DTNB: variants seen among roughly 807,000 people sequenced by gnomAD.
DTNB encodes dystrobrevin beta, also known as DTN-B.
Under a neutral mutation model 90.7 loss-of-function variants are expected in DTNB, and 63 were observed. The ratio of observed to expected loss-of-function variants is 0.69; its 90% CI spans 0.57 to 0.86. The LOEUF is 0.86. Among genes scored for constraint, DTNB ranks in the 40% least tolerant of loss-of-function variants. The pLI is 0.00. For missense variants in DTNB, 744 were observed against 807.1 expected (o/e 0.92, Z 0.95); for synonymous variants, 277 against 286.7 (o/e 0.97, Z 0.34).
At chr2:25,654,994 G>A (rs1282893419) in intron 1 of DTNB, among the ~76,000 whole-genome samples, 1 of 152,162 alleles carries the variant, frequency 6.6e-6, no homozygotes, top group Non-Finnish European at 1.5e-5. Context: ...TACTCAACAG[G>A]AGCCATAACA....
Position 25,596,206 on chromosome 2 carries a change from T to G in DTNB, c.483A>C (p.Leu161Phe). The change falls in exon 6 of 21, where the codon TTA becomes TTC. Residue 161 changes from leucine to phenylalanine, a missense_variant. Transcript: ENST00000406818. ...VFSQMSDSNG[L>F]MIFSKFDQFL... ...ACTGGTCAAACTTGCTAAATATCAT[T>G]AAGCCATTGGAATCTGACATCTGGG... 6.2e-7 allele frequency: 1 copy of G among 1,612,502 alleles called. No individual in the cohort carries two copies. Among genetic ancestry groups the G allele is most frequent in the African/African-American group, 1.3e-5 (1 of 74,932 alleles).
intron 5 of DTNB, among the ~76,000 whole-genome samples, chr2:25,600,586 C>T (rs529159649): frequency 5.1e-4 from 78 of 152,278 alleles, no homozygotes; most frequent in Admixed American, 2.0e-3. Flanking sequence ...AGTTTTCTAT[C>T]GCCACTCTGT....
At chr2:25,643,525 T>C (rs746218123) in intron 2 of DTNB, among the ~76,000 whole-genome samples, 10 of 152,206 alleles carry the variant, frequency 6.6e-5, no homozygotes, top group Non-Finnish European at 1.3e-4. Context: ...TACTTTCTCC[T>C]AAAAACATAC....
In DTNB at chr2:25,455,501, A is replaced by G. The variant is rs1324904456; in HGVS notation, c.1080-7T>C. On this transcript the variant is annotated splice_polypyrimidine_tract_variant and splice_region_variant and intron_variant, in intron 10 of 20. Transcript: ENST00000406818. ...ATCCTGGCTATACTGTAACCTAGGAACAATGGAGGCAAAGACAGCAAGCGT... is the reference window on the plus strand; with the variant it reads ...ATCCTGGCTATACTGTAACCTAGGAGCAATGGAGGCAAAGACAGCAAGCGT... The G allele has an allele frequency of 2.5e-6, 4 of 1,601,586 alleles. No individual in the cohort carries two copies. Among genetic ancestry groups the G allele is most frequent in the Non-Finnish European group, 3.4e-6 (4 of 1,174,050 alleles).
chr2:25,632,844 A>T (rs2076067420), intron 3 of DTNB, among the ~76,000 whole-genome samples: 1 of 152,232 alleles, frequency 6.6e-6, no homozygotes, highest in African/African-American at 2.4e-5. Context: ...AGGACTTGCC[A>T]CAAACATATT....
chr2:25,498,099 C>G (rs1335150910), intron 9 of DTNB, among the ~76,000 whole-genome samples: 6 of 152,132 alleles, frequency 3.9e-5, no homozygotes. Context: ...CACCACTTCT[C>G]CCCCTTCCTA....
chr2:25,514,979 A>C (rs1363319919), intron 9 of DTNB, among the ~76,000 whole-genome samples: 1 of 152,102 alleles, frequency 6.6e-6, no homozygotes, highest in Non-Finnish European at 1.5e-5. Context: ...CACCGCGCCC[A>C]GCTGAAAAAT....
intron 9 of DTNB, among the ~76,000 whole-genome samples, chr2:25,522,571 G>A (rs929247740): frequency 1.3e-5 from 2 of 151,998 alleles, no homozygotes; most frequent in African/African-American, 2.4e-5. Context: ...TTTATTTGAA[G>A]GAAAAGACTT....
At chr2:25,626,199 C>G (rs545024592) in intron 4 of DTNB, among the ~76,000 whole-genome samples, 1 of 152,158 alleles carries the variant, frequency 6.6e-6, no homozygotes, top group African/African-American at 2.4e-5. Flanking sequence ...CATTTTTAGA[C>G]AGTAAGATGG....
At chr2:25,635,383 C>T (rs10194293) in intron 3 of DTNB, among the ~76,000 whole-genome samples, 16 of 152,112 alleles carry the variant, frequency 1.1e-4, no homozygotes, top group African/African-American at 3.6e-4. Context: ...GCCAAGATTG[C>T]GCCACTGCAC....
intron 1 of DTNB, among the ~76,000 whole-genome samples, chr2:25,666,397 A>T (rs1187279090): frequency 6.6e-6 from 1 of 152,226 alleles, no homozygotes; most frequent in African/African-American, 2.4e-5. Flanking sequence ...ACATCTTCCA[A>T]AAACCAACAG....
chr2:25,445,895 T>C (rs2058339451), intron 12 of DTNB, among the ~76,000 whole-genome samples: 1 of 151,352 alleles, frequency 6.6e-6, no homozygotes, highest in Non-Finnish European at 1.5e-5. Context: ...GCTTGGCCAC[T>C]TAGCACACCA....
chr2:25,421,092 T>C (rs1344664249), intron 15 of DTNB: 1 of 152,174 alleles, frequency 6.6e-6, no homozygotes, highest in Non-Finnish European at 1.5e-5. Context: ...ATGCAGCCAG[T>C]CTTTACTGAA....
At chr2:25,604,294 T>C (rs2066578579) in intron 5 of DTNB, among the ~76,000 whole-genome samples, 1 of 151,914 alleles carries the variant, frequency 6.6e-6, no homozygotes, top group East Asian at 1.9e-4. Flanking sequence ...CAGCCCTAAA[T>C]CCTAAATGCA....
intron 18 of DTNB, among the ~76,000 whole-genome samples, chr2:25,384,111 G>A (rs936125141): frequency 1.3e-5 from 2 of 152,276 alleles, no homozygotes; most frequent in African/African-American, 4.8e-5. Flanking sequence ...AGGGAGCAGT[G>A]CGGTCACATC....
chr2:25,583,437 T>C (rs2061866653), intron 6 of DTNB, among the ~76,000 whole-genome samples: 1 of 151,900 alleles, frequency 6.6e-6, no homozygotes, highest in Non-Finnish European at 1.5e-5. Context: ...AAATTACATT[T>C]TTATAATCCA....
intron 10 of DTNB, among the ~76,000 whole-genome samples, chr2:25,466,196 C>T (rs1400664505): frequency 2.0e-5 from 3 of 152,002 alleles, no homozygotes; most frequent in East Asian, 1.9e-4. Context: ...ATTAGCTGGG[C>T]GTAGTGGTGC....
chr2:25,427,314 C>T (rs1331968190), intron 15 of DTNB, among the ~76,000 whole-genome samples: 3 of 152,062 alleles, frequency 2.0e-5, no homozygotes, highest in Non-Finnish European at 2.9e-5. Context: ...AGCAACTGCT[C>T]GAGACATTAT....
At chr2:25,437,331 G>A (rs150470752) in intron 12 of DTNB, among the ~76,000 whole-genome samples, 1,918 of 151,294 alleles carry the variant, frequency 0.013, 41 homozygotes, top group African/African-American at 0.044. Context: ...GCATGATCTC[G>A]GTTCACTGCA....
Sources: allele counts gnomAD v4.1 joint callset (sites outside exome capture counted in the v4.1 genomes callset), GRCh38; gene constraint gnomAD v4.1.1; transcripts MANE v1.5; gene names NCBI Gene and HGNC (gene_info 2026-07-23, HGNC 2026-07-21).